The following NSUN6 variants were observed in gnomAD, a reference collection of about 807,000 sequenced individuals.
NSUN6 encodes tRNA (cytosine(72)-C(5))-methyltransferase NSUN6.
A neutral mutation model predicts 58.0 loss-of-function variants in NSUN6; 64 were observed. The ratio of observed to expected loss-of-function variants is 1.10; its 90% confidence interval spans 0.90 to 1.36. The LOEUF is 1.36. NSUN6 is among the 40% of genes most tolerant of loss of function. The probability of loss-of-function intolerance (pLI) is 0.00; values close to 1 mark genes in which losing one functional copy is unlikely to be tolerated. For synonymous variants in NSUN6, 231 were observed against 193.9 expected (o/e 1.19, Z -1.59); for missense variants, 701 against 550.1 (o/e 1.27, Z -2.74).
chr10:18,568,281 C>T (rs944376983), intron 8 of NSUN6, among the ~76,000 whole-genome samples: 3 of 151,016 alleles, frequency 2.0e-5, no homozygotes, highest in African/African-American at 7.3e-5. Flanking sequence ...CATTCCATTC[C>T]TTTTTCCATT....
At chr10:18,646,770 G>A (rs980580292) in intron 2 of NSUN6, among the ~76,000 whole-genome samples, 2 of 152,198 alleles carry the variant, frequency 1.3e-5, no homozygotes, top group African/African-American at 4.8e-5. Flanking sequence ...AGCAGAGGTT[G>A]CAGTGAGCCA....
chr10:18,605,061 A>G (rs1564790687), intron 6 of NSUN6, among the ~76,000 whole-genome samples: 1 of 151,084 alleles, frequency 6.6e-6, no homozygotes, highest in Non-Finnish European at 1.5e-5. Flanking sequence ...AATTTTTTGT[A>G]TTTTTAGTAG....
chr10:18,601,544 AGTT>A (rs2057839671), intron 6 of NSUN6, among the ~76,000 whole-genome samples: 1 of 113,574 alleles, frequency 8.8e-6, no homozygotes, highest in Non-Finnish European at 1.9e-5. Flanking sequence ...AAGACATAAC[AGTT>A]ATGAGCAGAA....
Position 18,648,573 on chromosome 10 carries a change from G to A in NSUN6, c.148C>T (p.Pro50Ser). ...ETLLKHLSHP[P>S]SFTTVRVNTH... The stretch of plus-strand genomic sequence containing the variant: ...TTCACTCTGACAGTTGTAAATGATG[G>A]AGGATGTGACAGGTGCTTTAACAAA... Residue 50 changes from proline (P) to serine (S), a missense_variant, in exon 2 of 11, where the codon CCA becomes TCA. Physicochemically the swap from Pro to Ser is moderately conservative, Grantham distance 74 (BLOSUM62 -1). Coordinates refer to ENST00000377304, the MANE Select transcript of NSUN6 (RefSeq NM_182543.5). The A allele has an allele frequency of 6.2e-7, 1 of 1,605,620 alleles. No homozygotes were observed.
chr10:18,595,317 C>T (rs116316519), intron 7 of NSUN6, among the ~76,000 whole-genome samples: 2,057 of 152,240 alleles, frequency 0.014, 41 homozygotes, highest in African/African-American at 0.047. Context: ...ATCCAGACTC[C>T]CTTTGGAAAG....
chr10:18,625,233 G>A (rs914486009), intron 3 of NSUN6, among the ~76,000 whole-genome samples: 1 of 152,114 alleles, frequency 6.6e-6, no homozygotes, highest in Non-Finnish European at 1.5e-5. Flanking sequence ...GTGAGTCTTA[G>A]CCAATCACTA....
chr10:18,630,795 T>A (rs1318036813), intron 3 of NSUN6, among the ~76,000 whole-genome samples: 3 of 152,170 alleles, frequency 2.0e-5, no homozygotes, highest in Non-Finnish European at 2.9e-5. Flanking sequence ...CAGTACCAGA[T>A]GGATTCACAG....
chr10:18,547,647 AT>A (rs1223449763), intron 10 of NSUN6, among the ~76,000 whole-genome samples: 1 of 152,192 alleles, frequency 6.6e-6, no homozygotes, highest in East Asian at 1.9e-4. Flanking sequence ...AATATTATAC[AT>A]TTTATATAAT....
At chr10:18,548,990 T>C (rs2054450784) in intron 9 of NSUN6, among the ~76,000 whole-genome samples, 1 of 152,206 alleles carries the variant, frequency 6.6e-6, no homozygotes, top group South Asian at 2.1e-4. Flanking sequence ...AGCCTCTTTA[T>C]CTTTTGCCTG....
chr10:18,571,669 T>C (rs1199500664), intron 8 of NSUN6, among the ~76,000 whole-genome samples: 1 of 150,470 alleles, frequency 6.6e-6, no homozygotes, highest in African/African-American at 2.4e-5. Flanking sequence ...CTCCATCCCA[T>C]TCCAATCTCA....
chr10:18,640,353 T>G (rs1346514847), intron 3 of NSUN6, among the ~76,000 whole-genome samples: 7 of 152,282 alleles, frequency 4.6e-5, no homozygotes, highest in South Asian at 2.1e-4. Flanking sequence ...TATGTACAAC[T>G]CTAATTTTTA....
chr10:18,625,200 G>A (rs372079644), intron 3 of NSUN6, among the ~76,000 whole-genome samples: 204 of 152,240 alleles, frequency 1.3e-3, no homozygotes, highest in South Asian at 2.5e-3. Flanking sequence ...CATAGCCATT[G>A]GTGTGACCGT....
At chr10:18,578,035 C>T (rs1406184503) in intron 8 of NSUN6, among the ~76,000 whole-genome samples, 1 of 152,184 alleles carries the variant, frequency 6.6e-6, no homozygotes, top group Non-Finnish European at 1.5e-5. Flanking sequence ...AAGTAAATCG[C>T]CTTGCTGAGA....
In NSUN6 at chr10:18,616,172, C is replaced by T. The variant is rs374455419; in HGVS notation, c.421+12G>A. 33 of 1,368,532 alleles carry T rather than the reference C, an allele frequency of 2.4e-5. 1 individual carries two copies. In the African/African-American group the frequency reaches 4.2e-4, roughly 17 times the overall value. The allele number at this position is 1,368,532 out of a possible 1,614,324, so 84.8% of individuals were successfully genotyped here. On this transcript the variant is annotated intron_variant, in intron 4 of 10. Transcript: ENST00000377304. ...AGAGAACCTTAAAGACAAATCTAAA[C>T]ATTATACTTACATTGTGATGCTGAC...
intron 9 of NSUN6, among the ~76,000 whole-genome samples, chr10:18,550,660 T>C (rs1292749789): frequency 1.3e-5 from 2 of 152,114 alleles, no homozygotes; most frequent in African/African-American, 4.8e-5. Flanking sequence ...CCACTGTCTC[T>C]TCCTGTTTTT....
chr10:18,574,452 A>G (rs529573412), intron 8 of NSUN6, among the ~76,000 whole-genome samples: 2 of 152,192 alleles, frequency 1.3e-5, no homozygotes, highest in East Asian at 3.9e-4. Context: ...CACACGTTAG[A>G]TTTAATTTAT....
chr10:18,565,308 GATTCCATTCCATTCTCCATTCC>G (rs2055844115), intron 8 of NSUN6, among the ~76,000 whole-genome samples: 1 of 132,190 alleles, frequency 7.6e-6, no homozygotes, highest in African/African-American at 2.8e-5. Context: ...CTGCATTCTC[GATTCCATTCCATTCTCCATTCC>G]ATTCCCTTCC....
intron 3 of NSUN6, among the ~76,000 whole-genome samples, chr10:18,638,936 C>T (rs1167418361): frequency 8.0e-6 from 1 of 125,370 alleles, no homozygotes; most frequent in African/African-American, 3.1e-5. Flanking sequence ...TGTTATAAAG[C>T]TTGACAATGT....
chr10:18,642,605 T>C, intron 2 of NSUN6, 50 bp from the exon 3 acceptor site: 2 of 908,482 alleles, frequency 2.2e-6, no homozygotes, highest in Non-Finnish European at 1.8e-6. Context: ...TTGATACATT[T>C]CAACTTATGG....
Sources: allele counts gnomAD v4.1 joint callset (sites outside exome capture counted in the v4.1 genomes callset), GRCh38; gene constraint gnomAD v4.1.1; transcripts MANE v1.5; gene names NCBI Gene and HGNC (gene_info 2026-07-23, HGNC 2026-07-21).